Variants in PCDH15 observed in about 807,000 individuals in gnomAD.
The protein encoded by PCDH15 is protocadherin related 15.
A neutral mutation model predicts 178.5 loss-of-function variants in PCDH15; 129 were observed. That is an observed-to-expected ratio of 0.72 (90% CI 0.63 to 0.84). PCDH15 has a LOEUF of 0.84. Among genes scored for constraint, PCDH15 ranks in the 40% least tolerant of loss-of-function variants. The probability of loss-of-function intolerance (pLI) is 0.00; values close to 1 mark genes in which losing one functional copy is unlikely to be tolerated. For synonymous variants in PCDH15, 800 were observed against 732.0 expected (o/e 1.09, Z -1.50); for missense variants, 2,230 against 2,099.9 (o/e 1.06, Z -1.21).
rs1427922641 is a variant in PCDH15 at position 54,195,803 on chromosome 10, A to G, written c.1185T>C (p.Phe395=). The G allele has an allele frequency of 1.9e-5, 31 of 1,613,904 alleles. No individual in the cohort carries two copies. Among genetic ancestry groups the G allele is most frequent in the Non-Finnish European group, 2.5e-5 (29 of 1,179,910 alleles). Residue 395 remains phenylalanine, a synonymous_variant, in exon 11 of 38, where the codon TTT becomes TTC. Transcript: ENST00000644397. ...ILDENNQSPY[F]TMPSYQGYIL... The stretch of plus-strand genomic sequence containing the variant: ...TATAGCCTTGATAACTGGGCATTGT[A>G]AAATATGGACTTTGATTGTTTTCAT...
intron 3 of PCDH15, among the ~76,000 whole-genome samples, chr10:54,504,343 A>G (rs896322927): frequency 6.6e-6 from 1 of 152,024 alleles, no homozygotes. Flanking sequence ...AATTGCTACA[A>G]ATTCCTCACA....
intron 2 of PCDH15, among the ~76,000 whole-genome samples, chr10:55,472,465 C>CTT (rs71014493): frequency 3.0e-5 from 3 of 99,750 alleles, no homozygotes; most frequent in Non-Finnish European, 4.1e-5. Flanking sequence ...TTTGAATTAG[C>CTT]TTTTTTTTTT....
chr10:54,096,527 G>T (rs2094702637), intron 15 of PCDH15, among the ~76,000 whole-genome samples: 2 of 152,092 alleles, frequency 1.3e-5, no homozygotes, highest in South Asian at 4.1e-4. Context: ...TATGTAAAAT[G>T]CTAATGACTT....
chr10:54,442,736 A>T (rs529632034), intron 3 of PCDH15, among the ~76,000 whole-genome samples: 8 of 151,466 alleles, frequency 5.3e-5, no homozygotes, highest in Non-Finnish European at 8.9e-5. Flanking sequence ...CTTATAAGAA[A>T]TTAAAGTAAT....
intron 2 of PCDH15, among the ~76,000 whole-genome samples, chr10:55,610,268 G>A (rs1406159686): frequency 6.6e-6 from 1 of 152,060 alleles, no homozygotes; most frequent in Non-Finnish European, 1.5e-5. Flanking sequence ...ATTTATGCAT[G>A]AGGGCCATTA....
intron 2 of PCDH15, among the ~76,000 whole-genome samples, chr10:55,565,763 T>C (rs1283225445): frequency 6.6e-6 from 1 of 151,604 alleles, no homozygotes; most frequent in Admixed American, 6.6e-5. Flanking sequence ...TTCCTAGAGA[T>C]ATAAAACTTA....
chr10:54,238,254 T>C (rs768543354), intron 8 of PCDH15, among the ~76,000 whole-genome samples: 5 of 152,110 alleles, frequency 3.3e-5, no homozygotes, highest in South Asian at 2.1e-4. Context: ...AAATATGTAA[T>C]GTACTTTTAT....
intron 1 of PCDH15, among the ~76,000 whole-genome samples, chr10:54,721,259 G>C (rs1035858863): frequency 6.6e-6 from 1 of 151,844 alleles, no homozygotes; most frequent in Non-Finnish European, 1.5e-5. Flanking sequence ...AAAGTTTATA[G>C]TGTTAAATGT....
chr10:53,976,109 C>G (rs904966024), intron 21 of PCDH15, among the ~76,000 whole-genome samples: 1 of 152,090 alleles, frequency 6.6e-6, no homozygotes, highest in Non-Finnish European at 1.5e-5. Flanking sequence ...GAACTCTATT[C>G]TGTTCCACTG....
At chr10:54,759,374 T>A (rs1797507566) in intron 1 of PCDH15, among the ~76,000 whole-genome samples, 1 of 152,160 alleles carries the variant, frequency 6.6e-6, no homozygotes, top group South Asian at 2.1e-4. Context: ...AAATGAACAA[T>A]TTAATAGATT....
chr10:54,313,656 G>A (rs937227568), intron 8 of PCDH15, among the ~76,000 whole-genome samples: 2 of 146,972 alleles, frequency 1.4e-5, no homozygotes, highest in African/African-American at 4.9e-5. Context: ...TACCAGAAAC[G>A]TTTTTGTGTA....
At chr10:54,956,898 G>A (rs1838505151) in intron 2 of PCDH15, among the ~76,000 whole-genome samples, 1 of 151,574 alleles carries the variant, frequency 6.6e-6, no homozygotes, top group African/African-American at 2.4e-5. Flanking sequence ...ATTGAATATG[G>A]AATATGCTCG....
Position 55,454,922 on chromosome 10 carries a change from T to C in PCDH15, c.-156+172703A>G, listed in dbSNP as rs925951561. On this transcript the variant is annotated intron_variant, in intron 2 of 5. Coordinates refer to the PCDH15 transcript ENST00000613346. ...TTTATTACGAAATTAATAGAGTATA[T>C]ATAAATAAATATACATATATACACA... Among the ~76,000 whole-genome samples the C allele has an allele frequency of 9.2e-5, 14 of 152,088 alleles. 1 individual carries two copies. Among genetic ancestry groups the C allele is most frequent in the Admixed American group, 9.2e-4 (14 of 15,260 alleles).
At chr10:54,454,056 A>AATATAACAGATTTATAGATTTATAAAC (rs2076653836) in intron 3 of PCDH15, among the ~76,000 whole-genome samples, 1 of 151,278 alleles carries the variant, frequency 6.6e-6, no homozygotes, top group Non-Finnish European at 1.5e-5. Context: ...ATAGAGATTA[A>AATATAACAGATTTATAGATTTATAAAC]ATATAACAGA....
At chr10:54,432,803 T>C (rs1957113684) in intron 3 of PCDH15, among the ~76,000 whole-genome samples, 1 of 151,924 alleles carries the variant, frequency 6.6e-6, no homozygotes, top group Non-Finnish European at 1.5e-5. Flanking sequence ...CACAGAATGA[T>C]AGAAAATATT....
At chr10:54,485,004 G>A (rs953211761) in intron 3 of PCDH15, among the ~76,000 whole-genome samples, 2 of 151,868 alleles carry the variant, frequency 1.3e-5, no homozygotes, top group African/African-American at 2.4e-5. Context: ...GCTACAGGAA[G>A]AGTGAGAACT....
intron 2 of PCDH15, among the ~76,000 whole-genome samples, chr10:55,581,542 T>G (rs1842614543): frequency 6.6e-6 from 1 of 152,082 alleles, no homozygotes; most frequent in South Asian, 2.1e-4. Context: ...TTTTCTTTTC[T>G]GCACATAAGT....
intron 3 of PCDH15, among the ~76,000 whole-genome samples, chr10:54,448,054 G>T (rs1347493851): frequency 6.6e-6 from 1 of 151,442 alleles, no homozygotes; most frequent in African/African-American, 2.4e-5. Flanking sequence ...GAACGTTAAA[G>T]TTTCTCCACT....
intron 8 of PCDH15, among the ~76,000 whole-genome samples, chr10:54,296,776 T>G (rs563260929): frequency 2.0e-5 from 3 of 152,296 alleles, no homozygotes; most frequent in East Asian, 3.9e-4. Context: ...GTATCCTTGC[T>G]ATTCATATAA....
Sources: gnomAD v4.1 joint callset for allele counts (sites outside exome capture counted in the v4.1 genomes callset) on GRCh38, gnomAD v4.1.1 for gene constraint, MANE v1.5 for transcripts, NCBI Gene and HGNC (gene_info 2026-07-23, HGNC 2026-07-21) for gene names.